PTPRC: variants seen among roughly 807,000 people sequenced by gnomAD.
The protein encoded by PTPRC is protein tyrosine phosphatase receptor type C.
In PTPRC, 44 loss-of-function variants were observed where a neutral mutation model predicts 155.9. The observed-to-expected ratio is 0.28, with a 90% CI of 0.22 to 0.36. The LOEUF (loss-of-function observed/expected upper bound fraction) is 0.36, where lower values mean the gene tolerates loss of function less well. Among genes scored for constraint, PTPRC ranks in the 10% least tolerant of loss-of-function variants. The probability of loss-of-function intolerance (pLI) is 1.00; values close to 1 mark genes in which losing one functional copy is unlikely to be tolerated. For synonymous variants in PTPRC, 525 were observed against 533.1 expected, an observed-to-expected ratio of 0.98 and a Z score of 0.21; for missense variants, 1,401 against 1,564.6, an observed-to-expected ratio of 0.90 and a Z score of 1.76.
chr1:198,741,874 A>G lies in PTPRC; in HGVS notation c.2409A>G (p.Lys803=). 1 of 1,611,534 alleles carries G rather than the reference A, an allele frequency of 6.2e-7. No individual in the cohort carries two copies. The highest frequency in any genetic ancestry group is 1.3e-5 in the African/African-American group (1 of 74,836). ...IIQKLNIVNK[K]EKATGREVTH... The stretch of plus-strand genomic sequence containing the variant: ...AAATATTATCTCTTGACTAGAAAAA[A>G]GAAAAAGCAACTGGAAGAGAGGTGA... Residue 803 remains lysine (K), a synonymous_variant, in exon 24 of 33, where the codon AAA becomes AAG. Transcript: ENST00000442510.
At chr1:198,752,825 G>A (rs993433079) in intron 31 of PTPRC, 53 bp downstream of exon 31, 102 of 1,568,226 alleles carry the variant, frequency 6.5e-5, no homozygotes, top group East Asian at 2.0e-4. Flanking sequence ...TTGACTTCTC[G>A]GTTCACATGT....
At chr1:198,681,497 A>T (rs2102332018) in intron 2 of PTPRC, among the ~76,000 whole-genome samples, 1 of 152,300 alleles carries the variant, frequency 6.6e-6, no homozygotes, top group East Asian at 1.9e-4. Flanking sequence ...ATATGTGGTG[A>T]TAGTGTTGCT....
chr1:198,707,623 G>C (rs1395224613), intron 9 of PTPRC, among the ~76,000 whole-genome samples: 1 of 151,842 alleles, frequency 6.6e-6, no homozygotes, highest in Non-Finnish European at 1.5e-5. Flanking sequence ...AATGTATTTT[G>C]AAAATAAAAT....
At chr1:198,670,761 G>A (rs1352845163) in intron 2 of PTPRC, among the ~76,000 whole-genome samples, 2 of 151,946 alleles carry the variant, frequency 1.3e-5, no homozygotes, top group African/African-American at 4.8e-5. Context: ...ATCTGTCTTA[G>A]CAATTTTCAA....
chr1:198,639,321 A>C lies in PTPRC; in HGVS notation c.53A>C (p.Asp18Ala). The part of the protein sequence containing the change: ...KLLAFGFAFL[D>A]TEVFVTGQSP... Reference sequence around the variant, plus strand: ...TTGGCATTTGGCTTTGCCTTTCTGGACACAGAAGTATTTGTGACAGGTAAG... The same window carrying C: ...TTGGCATTTGGCTTTGCCTTTCTGGCCACAGAAGTATTTGTGACAGGTAAG... Residue 18 changes from aspartate to alanine, a missense_variant, in exon 2 of 33, where the codon GAC becomes GCC. By Grantham distance (126) the Asp-to-Ala change is moderately radical (BLOSUM62 -2). Coordinates refer to ENST00000442510, the MANE Select transcript of PTPRC (RefSeq NM_002838.5). The C allele has an allele frequency of 6.2e-7, 1 of 1,612,220 alleles. No homozygotes were observed. The highest frequency in any genetic ancestry group is 8.5e-7 in the Non-Finnish European group (1 of 1,178,428).
At position 198,756,375 on chromosome 1, in the gene PTPRC, C is replaced by T; in HGVS notation, c.*194C>T. ...CCAGAACAGTTTGTACAGACGTATG[C>T]TTATTTTAAAATTTTATCTCTTATT... On this transcript the variant is annotated 3_prime_UTR_variant, in exon 33 of 33. Coordinates refer to ENST00000442510, the MANE Select transcript of PTPRC (RefSeq NM_002838.5). The T allele has an allele frequency of 1.4e-6, 1 of 720,718 alleles. No homozygotes were observed. Among genetic ancestry groups the T allele is most frequent in the Non-Finnish European group, 2.2e-6 (1 of 452,682 alleles). 44.6% of individuals were successfully genotyped at this position (720,718 alleles called of 1,614,324 possible).
At chr1:198,653,822 G>A (rs904691916) in intron 2 of PTPRC, among the ~76,000 whole-genome samples, 2 of 151,770 alleles carry the variant, frequency 1.3e-5, no homozygotes, top group South Asian at 4.1e-4. Flanking sequence ...CACATGTAAA[G>A]TAGAAAATAC....
intron 2 of PTPRC, chr1:198,679,750 C>G: frequency 2.3e-6 from 1 of 432,084 alleles, no homozygotes; most frequent in South Asian, 5.5e-5. Flanking sequence ...GACTGGGCCA[C>G]TGCTAACGTC....
intron 15 of PTPRC, among the ~76,000 whole-genome samples, chr1:198,723,039 C>A (rs1418150447): frequency 6.6e-6 from 1 of 150,964 alleles, no homozygotes; most frequent in Non-Finnish European, 1.5e-5. Flanking sequence ...TGTTACATTC[C>A]CCACCCACAA....
intron 25 of PTPRC, among the ~76,000 whole-genome samples, chr1:198,743,284 G>A (rs923561308): frequency 2.6e-5 from 4 of 151,536 alleles, no homozygotes; most frequent in Non-Finnish European, 4.4e-5. Flanking sequence ...GCTGCCATAC[G>A]AAACATTCAA....
Position 198,680,537 on chromosome 1 carries a change from G to A in PTPRC, c.74-11810G>A, listed in dbSNP as rs539000318. 2.0e-4 allele frequency among the ~76,000 whole-genome samples: 30 copies of A among 151,990 alleles called. No homozygotes were observed. In the South Asian group the frequency reaches 5.8e-3, roughly 29 times the overall value. On this transcript the variant is annotated intron_variant, in intron 2 of 32. Coordinates refer to ENST00000442510, the MANE Select transcript of PTPRC (RefSeq NM_002838.5). ...TTATATAAAGTTCAGAGGAATTGAT[G>A]TAAAGTGAATCGTAAAGACTTTGGA...
At chr1:198,734,998 G>T (rs1471721716) in intron 22 of PTPRC, 129 bp from the exon 23 acceptor site, 3 of 807,980 alleles carry the variant, frequency 3.7e-6, no homozygotes, top group East Asian at 5.5e-5. Flanking sequence ...GTTTATATGT[G>T]CTTAAACTAT....
chr1:198,725,150 C>G (rs1242041695), intron 15 of PTPRC, among the ~76,000 whole-genome samples: 1 of 152,082 alleles, frequency 6.6e-6, no homozygotes, highest in African/African-American at 2.4e-5. Flanking sequence ...CCTTTGTAAC[C>G]TGAAGATTTA....
intron 26 of PTPRC, among the ~76,000 whole-genome samples, chr1:198,746,169 C>T (rs1339138038): frequency 6.6e-6 from 1 of 151,748 alleles, no homozygotes; most frequent in African/African-American, 2.4e-5. Context: ...ATATACTTAG[C>T]CAAGCCTAAA....
chr1:198,752,646 A>T lies in PTPRC; in HGVS notation c.3383A>T (p.Glu1128Val), dbSNP rs765815787. 1.2e-5 allele frequency: 19 copies of T among 1,612,724 alleles called. No individual in the cohort carries two copies. Among genetic ancestry groups the T allele is most frequent in the Non-Finnish European group, 1.5e-5 (18 of 1,179,310 alleles). Residue 1128 changes from glutamate to valine, a missense_variant, in exon 31 of 33, where the codon GAG (glutamate) becomes GTG (valine). This residue lies in a region of PTPRC where 400 missense variants were observed against 389.5 expected (regional missense o/e 1.03). Transcript: ENST00000442510. ...TACCAATATACAAACTGGAGTGTGG[A>T]GCAGCTTCCTGCAGAACCCAAGGAA... ...YQYQYTNWSVEQLPAEPKELI... is the reference protein window; with the variant it reads ...YQYQYTNWSVVQLPAEPKELI...
intron 2 of PTPRC, among the ~76,000 whole-genome samples, chr1:198,664,932 ATATGCTATATTTTTTCCCT>A (rs1664191861): frequency 6.6e-6 from 1 of 152,148 alleles, no homozygotes; most frequent in Non-Finnish European, 1.5e-5. Flanking sequence ...AAAAGGACAA[ATATGCTATATTTTTTCCCT>A]TAAGGCTAAT....
chr1:198,662,804 T>C (rs1664052865), intron 2 of PTPRC, among the ~76,000 whole-genome samples: 1 of 152,210 alleles, frequency 6.6e-6, no homozygotes, highest in South Asian at 2.1e-4. Flanking sequence ...TTTTAACATG[T>C]CTGCTTCTAT....
At chr1:198,706,693 T>C in intron 8 of PTPRC, 41 bp from the exon 9 acceptor site, 1 of 1,581,786 alleles carries the variant, frequency 6.3e-7, no homozygotes, top group Non-Finnish European at 8.7e-7. Context: ...TAGTTTTATT[T>C]ATTCTGGAAA....
intron 2 of PTPRC, among the ~76,000 whole-genome samples, chr1:198,672,413 C>T (rs184026468): frequency 8.8e-4 from 134 of 152,186 alleles, no homozygotes; most frequent in African/African-American, 3.0e-3. Context: ...TTACTCTGTT[C>T]GAGTTCCTTT....
Sources: allele counts gnomAD v4.1 joint callset (sites outside exome capture counted in the v4.1 genomes callset), GRCh38; gene constraint gnomAD v4.1.1; regional missense constraint gnomAD v4.1.1; transcripts MANE v1.5; gene names NCBI Gene and HGNC (gene_info 2026-07-23, HGNC 2026-07-21).